FXYD5: variants seen among roughly 807,000 people sequenced by gnomAD.
FXYD5 encodes FXYD domain-containing ion transport regulator 5.
Under a neutral mutation model 25.7 loss-of-function variants are expected in FXYD5, and 21 were observed. The ratio of observed to expected loss-of-function variants is 0.82; its 90% CI spans 0.58 to 1.18. The LOEUF is 1.18. FXYD5 is among the 50% of genes most tolerant of loss of function. The pLI, the probability that FXYD5 is intolerant of heterozygous loss-of-function variation, is 0.00. For missense variants in FXYD5, 229 were observed against 227.7 expected, an observed-to-expected ratio of 1.01 and a Z score of -0.04; for synonymous variants, 101 against 90.7, an observed-to-expected ratio of 1.11 and a Z score of -0.64.
At chr19:35,161,555 A>G (rs1314486468) in intron 5 of FXYD5, among the ~76,000 whole-genome samples, 1 of 152,220 alleles carries the variant, frequency 6.6e-6, no homozygotes, top group Non-Finnish European at 1.5e-5. Flanking sequence ...AGCCTGAGAA[A>G]TGAGCTGCTC....
intron 5 of FXYD5, among the ~76,000 whole-genome samples, chr19:35,162,681 A>G (rs1303623070): frequency 2.0e-5 from 3 of 152,156 alleles, no homozygotes; most frequent in Admixed American, 6.5e-5. Context: ...CCAAAATACC[A>G]TCACATGGAA....
chr19:35,158,595 T>G (rs1208070684), intron 4 of FXYD5, among the ~76,000 whole-genome samples, 195 bp downstream of exon 4: 1 of 152,148 alleles, frequency 6.6e-6, no homozygotes, highest in Admixed American at 6.5e-5. Context: ...CTTTTGAAAT[T>G]GTGAAATTAA....
At chr19:35,160,419 G>A (rs1448966740) in intron 4 of FXYD5, among the ~76,000 whole-genome samples, 2 of 151,948 alleles carry the variant, frequency 1.3e-5, no homozygotes, top group Non-Finnish European at 2.9e-5. Flanking sequence ...GTGCAATCTC[G>A]GCTCACCACA....
Position 35,157,495 on chromosome 19 carries a change from GCC to G in FXYD5, c.139_140del (p.Pro47ArgfsTer19). On this transcript the variant is annotated frameshift_variant, in exon 3 of 9. Transcript: ENST00000392219. LOFTEE classifies it high-confidence loss of function. ...CATGGACATTCAGGTCCCGACACGA[GCC>G]CCAGGTGAGGAAAGGGACACATCTA... ...TIMDIQVPTR[A>X]PDAVYTELQP... 6.6e-7 allele frequency: 1 copy of G among 1,514,918 alleles called. No individual in the cohort carries two copies. Among genetic ancestry groups the G allele is most frequent in the Non-Finnish European group, 9.2e-7 (1 of 1,090,338 alleles). The allele number at this position is 1,514,918 out of a possible 1,614,324, so 93.8% of individuals were successfully genotyped here. A position where few individuals can be genotyped will look rare whatever the true frequency, so the allele number is the denominator to read the frequency against.
intron 2 of FXYD5, among the ~76,000 whole-genome samples, chr19:35,156,006 T>C (rs1376137014): frequency 6.6e-6 from 1 of 152,250 alleles, no homozygotes; most frequent in Admixed American, 6.5e-5. Flanking sequence ...TCCAAAGAGT[T>C]GGCAACATCT....
chr19:35,155,724 C>A, intron 2 of FXYD5, 113 bp downstream of exon 2: 1 of 799,086 alleles, frequency 1.3e-6, no homozygotes, highest in Non-Finnish European at 2.2e-6. Context: ...CCCTGTCACC[C>A]TCCCGCTGAG....
At chr19:35,155,839 C>T (rs114782697) in intron 2 of FXYD5, among the ~76,000 whole-genome samples, 1,978 of 152,364 alleles carry the variant, frequency 0.013, 39 homozygotes, top group African/African-American at 0.041. Context: ...AGGGCCTGTC[C>T]TGCTGAGCAT....
rs570011472 is a variant in FXYD5 at position 35,162,937 on chromosome 19, G to C, written c.293-1219G>C. On this transcript the variant is annotated intron_variant, in intron 5 of 8. Coordinates refer to ENST00000392219, the MANE Select transcript of FXYD5 (RefSeq NM_014164.6). ...TGACTTTTGCTGAGAGCTTGTTCAT[G>C]CTGGGCACTGTGCTAAGCTTCTGTG... is the stretch of plus-strand genomic sequence containing the variant. Among the ~76,000 whole-genome samples the C allele has an allele frequency of 4.5e-4, 69 of 152,322 alleles. 2 individuals are homozygous for C. The South Asian group carries it at 0.014, about 31-fold the overall frequency.
intron 5 of FXYD5, among the ~76,000 whole-genome samples, chr19:35,161,436 A>G (rs2065405129): frequency 6.6e-6 from 1 of 152,214 alleles, no homozygotes; most frequent in South Asian, 2.1e-4. Flanking sequence ...TTTAGGTCAC[A>G]TACGTGGTGG....
chr19:35,157,753 C>A, intron 3 of FXYD5: 1 of 364,922 alleles, frequency 2.7e-6, no homozygotes, highest in South Asian at 2.7e-5. Flanking sequence ...CAAGATGATC[C>A]CTTGAAGCCT....
chr19:35,155,566 C>T lies in FXYD5; in HGVS notation c.16C>T (p.Arg6Cys), dbSNP rs140087598. MSPSGRLCLLTIVGLI... is the reference protein window; with the variant it reads MSPSGCLCLLTIVGLI... The stretch of plus-strand genomic sequence containing the variant: ...GGTCCCACAGATGTCGCCCTCTGGT[C>T]GCCTGTGTCTTCTCACCATCGTTGG... Residue 6 changes from arginine to cysteine, a missense_variant, in exon 2 of 9, where the codon CGC (arginine) becomes TGC (cysteine). Arg to Cys is a radical substitution (Grantham distance 180). Transcript: ENST00000392219. 4.3e-6 allele frequency: 7 copies of T among 1,610,572 alleles called. No individual in the cohort carries two copies. Among genetic ancestry groups the T allele is most frequent in the Admixed American group, 3.3e-5 (2 of 60,014 alleles).
intron 5 of FXYD5, 37 bp downstream of exon 5, chr19:35,160,838 T>C (rs1484702234): frequency 7.4e-7 from 1 of 1,351,866 alleles, no homozygotes; most frequent in Non-Finnish European, 1.1e-6. Context: ...CCTACGATTT[T>C]TGTTTAATTC....
At chr19:35,157,841 G>C (rs564829980) in intron 3 of FXYD5, among the ~76,000 whole-genome samples, 18 of 152,306 alleles carry the variant, frequency 1.2e-4, no homozygotes, top group African/African-American at 4.3e-4. Flanking sequence ...CCAGAACTGA[G>C]TTATCTTTGG....
intron 1 of FXYD5, chr19:35,155,051 C>G (rs1010423358): frequency 5.7e-6 from 1 of 176,976 alleles, no homozygotes; most frequent in African/African-American, 2.4e-5. Context: ...AGCGCGCCAT[C>G]CCTGCAAGGC....
Position 35,169,585 on chromosome 19 carries a change from G to A in FXYD5, c.507G>A (p.Leu169=). ...IILTSGKCRQ[L]SRLCRNRCR is the part of the protein sequence containing the mutation. ...CCACAGGTGGCAAGTGCAGGCAGCT[G>A]TCCCGGTTATGCCGGAATCGTTGCA... Residue 169 remains leucine, a synonymous_variant, in exon 9 of 9, where the codon CTG becomes CTA. Transcript: ENST00000392219. The A allele has an allele frequency of 6.2e-7, 1 of 1,611,682 alleles. No homozygotes were observed. Among genetic ancestry groups the A allele is most frequent in the Non-Finnish European group, 8.5e-7 (1 of 1,177,722 alleles).
chr19:35,167,939 C>T (rs569500986), intron 8 of FXYD5, among the ~76,000 whole-genome samples: 60 of 152,116 alleles, frequency 3.9e-4, no homozygotes, highest in Admixed American at 2.3e-3. Flanking sequence ...CATTTGCTGG[C>T]GGGACACGGT....
chr19:35,160,402 T>C (rs532533766), intron 4 of FXYD5, among the ~76,000 whole-genome samples: 88 of 152,244 alleles, frequency 5.8e-4, no homozygotes, highest in African/African-American at 2.1e-3. Context: ...CAGGTCGCTG[T>C]GCAATGGTGC....
At chr19:35,161,091 ACTTT>A (rs2065400591) in intron 5 of FXYD5, among the ~76,000 whole-genome samples, 1 of 152,154 alleles carries the variant, frequency 6.6e-6, no homozygotes, top group Admixed American at 6.5e-5. Context: ...AGACTTTGGA[ACTTT>A]CTTTCTGTCA....
chr19:35,167,384 T>G (rs1189455226), intron 8 of FXYD5, among the ~76,000 whole-genome samples: 1 of 152,058 alleles, frequency 6.6e-6, no homozygotes, highest in African/African-American at 2.4e-5. Flanking sequence ...TTCCAGCCAC[T>G]GCCTCACTTG....
Sources: gnomAD v4.1 joint callset for allele counts (sites outside exome capture counted in the v4.1 genomes callset) on GRCh38, gnomAD v4.1.1 for gene constraint, MANE v1.5 for transcripts, NCBI Gene and HGNC (gene_info 2026-07-23, HGNC 2026-07-21) for gene names.